SEC11C: variants seen among roughly 807,000 people sequenced by gnomAD.
The protein encoded by SEC11C is signal peptidase complex catalytic subunit SEC11C.
In SEC11C, 10 loss-of-function variants were observed where a neutral mutation model predicts 21.9. The observed-to-expected ratio is 0.46, with a 90% CI of 0.28 to 0.77. The LOEUF is 0.77. Ranked by LOEUF, SEC11C falls within the 30% of genes least tolerant of loss-of-function variation. SEC11C has a pLI of 0.12. For missense variants in SEC11C, 145 were observed against 244.5 expected, an observed-to-expected ratio of 0.59 and a Z score of 2.71; for synonymous variants, 83 against 85.6, an observed-to-expected ratio of 0.97 and a Z score of 0.17.
Position 59,139,973 on chromosome 18 carries a change from G to T in SEC11C, c.25G>T (p.Ala9Ser), listed in dbSNP as rs775465729. MVRAGAVG[A>S]HLPASGLDIF... ...TATGGTGCGTGCGGGCGCCGTGGGG[G>T]CTCATCTCCCCGCGTCCGGCTTGGA... The change falls in exon 1 of 6, where the codon GCT becomes TCT. Residue 9 changes from alanine to serine, a missense_variant. By Grantham distance (99) the Ala-to-Ser change is moderately conservative. Transcript: ENST00000587834. 2 of 1,592,700 alleles carry T rather than the reference G, an allele frequency of 1.3e-6. No homozygotes were observed. The highest frequency in any genetic ancestry group is 1.1e-5 in the South Asian group (1 of 88,796).
chr18:59,149,628 T>A lies in SEC11C; in HGVS notation c.197+6T>A, dbSNP rs1312208384. On this transcript the variant is annotated splice_donor_region_variant and intron_variant, in intron 2 of 5. Coordinates refer to ENST00000587834, the MANE Select transcript of SEC11C (RefSeq NM_033280.4). ...CCCATCGTGGTGGTGCTGAGGTAGG[T>A]CCCCCAGGCTGGCCTCCAGCCTCCA... 10 of 1,591,750 alleles carry A rather than the reference T, an allele frequency of 6.3e-6. No homozygotes were observed. Among genetic ancestry groups the A allele is most frequent in the African/African-American group, 1.3e-5 (1 of 74,538 alleles).
intron 1 of SEC11C, among the ~76,000 whole-genome samples, chr18:59,141,055 G>C (rs1231389238): frequency 6.6e-6 from 1 of 152,076 alleles, no homozygotes. Context: ...TTATTTTGAT[G>C]GCATCCAGTT....
intron 1 of SEC11C, among the ~76,000 whole-genome samples, chr18:59,148,670 G>A (rs1028532951): frequency 6.6e-6 from 1 of 151,278 alleles, no homozygotes; most frequent in Non-Finnish European, 1.5e-5. Flanking sequence ...CTGGAGTGCA[G>A]TCGTGCAGTC....
At chr18:59,152,738 C>T (rs2069372547) in intron 3 of SEC11C, 53 bp downstream of exon 3, 1 of 1,470,526 alleles carries the variant, frequency 6.8e-7, no homozygotes, top group Non-Finnish European at 9.2e-7. Context: ...TTGGTAGATT[C>T]ATGGCTAATT....
intron 3 of SEC11C, among the ~76,000 whole-genome samples, chr18:59,154,321 C>G (rs1241893453): frequency 6.6e-6 from 1 of 152,190 alleles, no homozygotes; most frequent in Non-Finnish European, 1.5e-5. Context: ...CCTTTATAAC[C>G]GTGGCTGCAA....
Position 59,152,592 on chromosome 18 carries a change from G to A in SEC11C, c.254G>A (p.Arg85Gln), listed in dbSNP as rs753497341. 12 of 1,613,410 alleles carry A rather than the reference G, an allele frequency of 7.4e-6. No individual in the cohort carries two copies. In the East Asian group the frequency reaches 8.9e-5, roughly 12 times the overall value. The change falls in exon 3 of 6, where the codon CGG (arginine) becomes CAG (glutamine). Residue 85 changes from arginine (R) to glutamine (Q), a missense_variant. By Grantham distance (43) the Arg-to-Gln change is conservative. Coordinates refer to ENST00000587834, the MANE Select transcript of SEC11C (RefSeq NM_033280.4). Reference protein sequence around the residue: ...RGDLLFLTNFREDPIRAGEIV... With the variant: ...RGDLLFLTNFQEDPIRAGEIV... ...GACCTCCTGTTCCTCACAAATTTCC[G>A]GGAAGACCCAATCAGAGCTGGTGAA...
intron 2 of SEC11C, 62 bp downstream of exon 2, chr18:59,149,684 G>T (rs2069324029): frequency 2.0e-6 from 2 of 1,014,026 alleles, no homozygotes; most frequent in South Asian, 2.9e-5. Context: ...TTGGGCCTGA[G>T]GAGCGGGGCA....
At chr18:59,142,057 G>GT (rs1347930838) in intron 1 of SEC11C, among the ~76,000 whole-genome samples, 58 of 150,036 alleles carry the variant, frequency 3.9e-4, no homozygotes, top group Non-Finnish European at 6.2e-4. Context: ...CATGGTGGTG[G>GT]TTTTTTTTTT....
chr18:59,157,772 G>A, intron 5 of SEC11C, 107 bp downstream of exon 5: 2 of 746,536 alleles, frequency 2.7e-6, no homozygotes, highest in Non-Finnish European at 4.7e-6. Flanking sequence ...CCATTAATAG[G>A]CCTGCAGAAT....
chr18:59,153,696 A>G (rs1006107713), intron 3 of SEC11C, among the ~76,000 whole-genome samples: 4 of 149,214 alleles, frequency 2.7e-5, no homozygotes, highest in Non-Finnish European at 5.9e-5. Flanking sequence ...GACTACAAGC[A>G]TGCACCATCA....
At chr18:59,147,861 C>T (rs1394370949) in intron 1 of SEC11C, 1 of 152,282 alleles carries the variant, frequency 6.6e-6, no homozygotes, top group African/African-American at 2.4e-5. Context: ...TTATGGCTCC[C>T]ACCCTATAAG....
At chr18:59,142,346 A>G (rs1517029) in intron 1 of SEC11C, among the ~76,000 whole-genome samples, 69,885 of 152,016 alleles carry the variant, frequency 0.46, 16,764 homozygotes, top group East Asian at 0.63. Flanking sequence ...TTCTTGGTAC[A>G]AGTTCTTTAC....
At chr18:59,143,910 G>T (rs907746216) in intron 1 of SEC11C, among the ~76,000 whole-genome samples, 11 of 149,972 alleles carry the variant, frequency 7.3e-5, no homozygotes, top group Admixed American at 7.3e-4. Flanking sequence ...GGAGTGCAGT[G>T]GTGCAATCTC....
intron 3 of SEC11C, chr18:59,153,247 ACTTATGAAGACC>A (rs1308306042): frequency 6.6e-6 from 1 of 152,210 alleles, no homozygotes; most frequent in Non-Finnish European, 1.5e-5. Context: ...GCTGTGACTT[ACTTATGAAGACC>A]CTTTTCTGGA....
At chr18:59,143,214 G>A (rs1049707683) in intron 1 of SEC11C, among the ~76,000 whole-genome samples, 3 of 151,978 alleles carry the variant, frequency 2.0e-5, no homozygotes, top group Admixed American at 2.0e-4. Context: ...TTAGCCGGGT[G>A]TGGTGGTGCA....
At chr18:59,152,763 G>C (rs977924631) in intron 3 of SEC11C, 78 bp downstream of exon 3, 1 of 1,272,672 alleles carries the variant, frequency 7.9e-7, no homozygotes. Flanking sequence ...ACTAGTAAAA[G>C]CACTGGATTA....
At chr18:59,158,204 C>T (rs753089118) in intron 5 of SEC11C, among the ~76,000 whole-genome samples, 12 of 152,138 alleles carry the variant, frequency 7.9e-5, no homozygotes, top group Middle Eastern at 3.4e-3. Context: ...TACAGGTGCC[C>T]GCCACCACAC....
chr18:59,145,489 C>A (rs1419890614), intron 1 of SEC11C, among the ~76,000 whole-genome samples: 1 of 152,136 alleles, frequency 6.6e-6, no homozygotes, highest in Non-Finnish European at 1.5e-5. Flanking sequence ...TGGGTAAAGG[C>A]CCTGGGGTGG....
At chr18:59,149,663 A>G in intron 2 of SEC11C, 41 bp downstream of exon 2, 8 of 1,347,518 alleles carry the variant, frequency 5.9e-6, no homozygotes, top group Non-Finnish European at 8.5e-6. Context: ...AACCTCCATC[A>G]CAAGGCTGCC....
Sources: gnomAD v4.1 joint callset for allele counts (sites outside exome capture counted in the v4.1 genomes callset) on GRCh38, gnomAD v4.1.1 for gene constraint, MANE v1.5 for transcripts, NCBI Gene and HGNC (gene_info 2026-07-23, HGNC 2026-07-21) for gene names.